ZNF700: variants seen among roughly 807,000 people sequenced by gnomAD.
ZNF700 encodes zinc finger protein 700.
A neutral mutation model predicts 65.3 loss-of-function variants in ZNF700; 38 were observed. That is an observed-to-expected ratio of 0.58 (90% CI 0.45 to 0.76). The LOEUF is 0.76. ZNF700 is among the 30% of genes least tolerant of loss of function. ZNF700 has a pLI of 0.00. For missense variants in ZNF700, 857 were observed against 888.4 expected (o/e 0.96, Z 0.45); for synonymous variants, 285 against 290.4 (o/e 0.98, Z 0.19).
At chr19:11,929,033 G>A (rs1034796325) in intron 1 of ZNF700, among the ~76,000 whole-genome samples, 1 of 148,476 alleles carries the variant, frequency 6.7e-6, no homozygotes, top group East Asian at 1.9e-4. Context: ...GAAAGAAGGC[G>A]AATCTGTAAT....
At chr19:11,938,757 G>A (rs1369771162) in intron 1 of ZNF700, among the ~76,000 whole-genome samples, 1 of 152,200 alleles carries the variant, frequency 6.6e-6, no homozygotes, top group Non-Finnish European at 1.5e-5. Context: ...GGGATGGCTG[G>A]ATCAAATGGT....
At chr19:11,941,449 G>A (rs1972882122) in intron 1 of ZNF700, among the ~76,000 whole-genome samples, 2 of 152,224 alleles carry the variant, frequency 1.3e-5, no homozygotes, top group South Asian at 2.1e-4. Flanking sequence ...CCGTGGGAAG[G>A]CAGCTAAGGC....
At position 11,925,173 on chromosome 19, in the gene ZNF700, G is replaced by T. The variant is rs759315510; in HGVS notation, c.-38G>T. On this transcript the variant is annotated 5_prime_UTR_variant, in exon 1 of 4. Transcript: ENST00000254321. ...CAGACCAGCCCGAGAGGGACCTGGT[G>T]CCTGTACCCAGGCTTCTGTCGCTCT... 7.5e-6 allele frequency: 12 copies of T among 1,609,376 alleles called. No homozygotes were observed. The highest frequency in any genetic ancestry group is 1.1e-5 in the South Asian group (1 of 91,042).
rs753789198 is a variant in ZNF700 at position 11,948,664 on chromosome 19, G to A, written c.640G>A (p.Val214Ile). The change falls in exon 4 of 4, where the codon GTA becomes ATA. Residue 214 changes from valine (V) to isoleucine (I), a missense_variant. Transcript: ENST00000254321. The stretch of plus-strand genomic sequence containing the variant: ...CCATTCAAGCATTCGAAGACACATG[G>A]TAATGCACAGTGGGGATGGAACTTA... ...IFHSSIRRHM[V>I]MHSGDGTYKC... 2.5e-6 allele frequency: 4 copies of A among 1,612,610 alleles called. No individual in the cohort carries two copies. The highest frequency in any genetic ancestry group is 3.4e-6 in the Non-Finnish European group (4 of 1,179,672).
intron 1 of ZNF700, among the ~76,000 whole-genome samples, chr19:11,943,501 T>C (rs1475885852): frequency 6.6e-6 from 1 of 152,186 alleles, no homozygotes; most frequent in Non-Finnish European, 1.5e-5. Flanking sequence ...TTTTTCTGTT[T>C]TAGCTATTTT....
intron 1 of ZNF700, among the ~76,000 whole-genome samples, chr19:11,939,606 C>G (rs117246881): frequency 0.012 from 1,779 of 152,218 alleles, 21 homozygotes; most frequent in Middle Eastern, 0.024. Flanking sequence ...GGTACCAGTA[C>G]CATGCTGTTG....
intron 1 of ZNF700, chr19:11,926,493 AT>A (rs1972630166): frequency 6.6e-6 from 1 of 152,458 alleles, no homozygotes; most frequent in Non-Finnish European, 1.5e-5. Flanking sequence ...GGTTCAAGTG[AT>A]TCTCCTGCCT....
intron 1 of ZNF700, among the ~76,000 whole-genome samples, chr19:11,936,260 C>T (rs1372399260): frequency 6.6e-6 from 1 of 152,172 alleles, no homozygotes; most frequent in Non-Finnish European, 1.5e-5. Flanking sequence ...GAGGAATCGC[C>T]ACACTGTCTT....
At chr19:11,933,954 T>C (rs1228456202) in intron 1 of ZNF700, among the ~76,000 whole-genome samples, 1 of 147,768 alleles carries the variant, frequency 6.8e-6, no homozygotes, top group Non-Finnish European at 1.5e-5. Context: ...GGGATTCCAC[T>C]TGTGAGCCAT....
At chr19:11,941,980 A>T (rs1290643841) in intron 1 of ZNF700, among the ~76,000 whole-genome samples, 1 of 516 alleles carries the variant, frequency 1.9e-3, no homozygotes, top group East Asian at 0.056. Context: ...TGTGCTTATT[A>T]CACCTGGTAT....
chr19:11,929,438 C>T (rs1295056782), intron 1 of ZNF700, among the ~76,000 whole-genome samples: 4 of 148,462 alleles, frequency 2.7e-5, no homozygotes, highest in South Asian at 2.1e-4. Flanking sequence ...GGTGGGATTA[C>T]GGGTGTGAAC....
intron 1 of ZNF700, among the ~76,000 whole-genome samples, chr19:11,945,176 C>T (rs1157544901): frequency 6.6e-6 from 1 of 152,200 alleles, no homozygotes. Flanking sequence ...TCCTTTAACT[C>T]ATGAAAGGCT....
chr19:11,937,210 CAT>C lies in ZNF700; in HGVS notation c.64-9970_64-9969del, dbSNP rs539832851. On this transcript the variant is annotated intron_variant, in intron 1 of 3. Transcript: ENST00000254321. ...TACGTTCTAGAAGTTGTGAGTTTTG[CAT>C]TTTCCATTTAAGTAAATGATTCATT... Among the ~76,000 whole-genome samples the C allele has an allele frequency of 1.1e-4, 16 of 152,278 alleles. No homozygotes were observed. In the South Asian group the frequency reaches 3.1e-3, roughly 30 times the overall value.
chr19:11,946,078 G>A, intron 1 of ZNF700, among the ~76,000 whole-genome samples: 1 of 152,150 alleles, frequency 6.6e-6, no homozygotes, highest in Admixed American at 6.5e-5. Flanking sequence ...CTCGTTAGGG[G>A]CACCTGAGCC....
Position 11,948,614 on chromosome 19 carries a change from A to G in ZNF700, c.590A>G (p.Lys197Arg). Reference protein sequence around the residue: ...DHTGEKPYACKVCGKTFIFHS... With the variant: ...DHTGEKPYACRVCGKTFIFHS... ...ACTGGAGAGAAACCCTATGCTTGTA[A>G]AGTCTGTGGAAAAACCTTTATTTTC... Residue 197 changes from lysine (K) to arginine (R), a missense_variant, in exon 4 of 4, where the codon AAA becomes AGA. Around this residue, in one of 3 missense-constraint regions of ZNF700, gnomAD observed 603 missense variants for 619.9 expected, o/e 0.97. Coordinates refer to ENST00000254321, the MANE Select transcript of ZNF700 (RefSeq NM_144566.3). 1 of 1,611,552 alleles carries G rather than the reference A, an allele frequency of 6.2e-7. No homozygotes were observed. The highest frequency in any genetic ancestry group is 8.5e-7 in the Non-Finnish European group (1 of 1,179,512).
At chr19:11,944,621 AC>A (rs1361431694) in intron 1 of ZNF700, among the ~76,000 whole-genome samples, 11 of 152,176 alleles carry the variant, frequency 7.2e-5, no homozygotes, top group African/African-American at 2.7e-4. Flanking sequence ...ATAAGCTTCC[AC>A]CCACCCAGAG....
chr19:11,932,791 C>T (rs1030389879), intron 1 of ZNF700, among the ~76,000 whole-genome samples: 2 of 147,202 alleles, frequency 1.4e-5, no homozygotes, highest in Non-Finnish European at 2.9e-5. Flanking sequence ...GCACCCGCCA[C>T]CCCGTCCGGC....
chr19:11,925,119 C>T lies in ZNF700; in HGVS notation c.-92C>T. The T allele has an allele frequency of 1.3e-6, 2 of 1,505,362 alleles. No homozygotes were observed. Among genetic ancestry groups the T allele is most frequent in the Non-Finnish European group, 1.8e-6 (2 of 1,097,050 alleles). 93.3% of individuals were successfully genotyped at this position (1,505,362 alleles called of 1,614,324 possible). On this transcript the variant is annotated 5_prime_UTR_variant, in exon 1 of 4. Transcript: ENST00000254321. ...AGGGGGTCGCTTTCCTCACCTTCCT[C>T]GCTGCGCGGGCGGCGGTTGGTAACC...
chr19:11,942,926 T>A (rs1038937946), intron 1 of ZNF700, among the ~76,000 whole-genome samples: 1 of 152,148 alleles, frequency 6.6e-6, no homozygotes, highest in African/African-American at 2.4e-5. Flanking sequence ...TTTGAGAATC[T>A]CACTTATTAA....
Sources: allele counts gnomAD v4.1 joint callset (sites outside exome capture counted in the v4.1 genomes callset), GRCh38; gene constraint gnomAD v4.1.1; regional missense constraint gnomAD v4.1.1; transcripts MANE v1.5; gene names NCBI Gene and HGNC (gene_info 2026-07-23, HGNC 2026-07-21).